Variants in DIPK1B observed in about 807,000 individuals in gnomAD.
DIPK1B encodes divergent protein kinase domain 1B.
A neutral mutation model predicts 20.7 loss-of-function variants in DIPK1B; 17 were observed. The observed-to-expected ratio is 0.82, with a 90% CI of 0.56 to 1.23. The LOEUF is 1.23. Among genes scored for constraint, DIPK1B ranks in the 50% most tolerant of loss-of-function variants. DIPK1B has a pLI of 0.00. For synonymous variants in DIPK1B, 343 were observed against 276.5 expected, an observed-to-expected ratio of 1.24 and a Z score of -2.39; for missense variants, 648 against 601.8, an observed-to-expected ratio of 1.08 and a Z score of -0.80.
At chr9:136,719,928 G>A (rs13290932) in intron 2 of DIPK1B, among the ~76,000 whole-genome samples, 5 of 38,152 alleles carry the variant, frequency 1.3e-4, no homozygotes, top group Admixed American at 2.9e-4. Flanking sequence ...GGGCTGTGTG[G>A]TCTGGGGCTC....
rs1192642089 is a variant in DIPK1B, at chr9:136,724,351, T to C, written c.*577T>C. ...AAAGGTGTTCCAGTAAGAAAACAGA[T>C]ATATGCGGTATTTTAAAAACTGATT... is the stretch of plus-strand genomic sequence containing the variant. On this transcript the variant is annotated 3_prime_UTR_variant, in exon 5 of 5. Coordinates refer to ENST00000371692, the MANE Select transcript of DIPK1B (RefSeq NM_152421.4). Among the ~76,000 whole-genome samples, 2 of 152,182 alleles carry C rather than the reference T, an allele frequency of 1.3e-5. No homozygotes were observed. Among genetic ancestry groups the C allele is most frequent in the Non-Finnish European group, 1.5e-5 (1 of 68,046 alleles).
In DIPK1B at chr9:136,721,953, C is replaced by A. The variant is rs1564310171; in HGVS notation, c.231C>A (p.Gly77=). The A allele has an allele frequency of 6.2e-7, 1 of 1,613,674 alleles. No individual in the cohort carries two copies. Among genetic ancestry groups the A allele is most frequent in the East Asian group, 2.2e-5 (1 of 44,876 alleles). The change falls in exon 3 of 5, where the codon GGC becomes GGA. Residue 77 remains glycine, a synonymous_variant. Transcript: ENST00000371692. ...CDQYRKGIIS[G]SVCQDLCELH... ...AGTACCGCAAGGGGATCATCTCGGG[C>A]TCCGTCTGCCAGGACCTGTGTGAGC...
chr9:136,721,955 CCGTCTG>C lies in DIPK1B; in HGVS notation c.235_240del (p.Val79_Cys80del), dbSNP rs1425424694. On this transcript the variant is annotated inframe_deletion, in exon 3 of 5. Coordinates refer to ENST00000371692, the MANE Select transcript of DIPK1B (RefSeq NM_152421.4). ...TACCGCAAGGGGATCATCTCGGGCT[CCGTCTG>C]CCAGGACCTGTGTGAGCTGCATATG... The C allele has an allele frequency of 1.9e-5, 30 of 1,613,742 alleles. No homozygotes were observed. The highest frequency in any genetic ancestry group is 2.5e-5 in the Non-Finnish European group (30 of 1,179,976).
intron 1 of DIPK1B, among the ~76,000 whole-genome samples, chr9:136,717,058 G>A (rs1044796968): frequency 1.3e-5 from 2 of 151,900 alleles, no homozygotes; most frequent in Non-Finnish European, 2.9e-5. Context: ...GTGAAACCCC[G>A]TCTCTACTAA....
At chr9:136,713,703 C>G (rs1277922515) in intron 1 of DIPK1B, among the ~76,000 whole-genome samples, 2 of 152,236 alleles carry the variant, frequency 1.3e-5, no homozygotes, top group Admixed American at 6.5e-5. Context: ...CCAGCAGCTG[C>G]AGAAGAGATG....
At chr9:136,715,281 A>C (rs962827760) in intron 1 of DIPK1B, among the ~76,000 whole-genome samples, 8 of 152,062 alleles carry the variant, frequency 5.3e-5, no homozygotes, top group Admixed American at 2.6e-4. Context: ...AGAGGCCTGA[A>C]ATTTGCTAGG....
At position 136,712,598 on chromosome 9, in the gene DIPK1B, G is replaced by T. The variant is rs1013331188; in HGVS notation, c.-68G>T. Reference sequence around the variant, plus strand: ...TGGCGAGGGAGCGGCGGCCGCTGCGGGCCGGGCCGGGCCGGGGCTGAGGCC... The same window carrying T: ...TGGCGAGGGAGCGGCGGCCGCTGCGTGCCGGGCCGGGCCGGGGCTGAGGCC... On this transcript the variant is annotated 5_prime_UTR_variant, in exon 1 of 5. Transcript: ENST00000371692. This position sits in a 1 kb window ranked among gnomAD's most constrained non-coding sequence, Gnocchi z 5.6. 116 of 736,260 alleles carry T rather than the reference G, an allele frequency of 1.6e-4. No homozygotes were observed. The African/African-American group carries it at 2.0e-3, about 13-fold the overall frequency. 45.6% of individuals were successfully genotyped at this position (736,260 alleles called of 1,614,324 possible).
chr9:136,721,647 G>C (rs1846603033), intron 2 of DIPK1B: 1 of 456,506 alleles, frequency 2.2e-6, no homozygotes, highest in South Asian at 2.4e-5. Context: ...TCATGTCCAG[G>C]CAGTGGCCTT....
chr9:136,722,501 G>A (rs1403801438), intron 4 of DIPK1B, 200 bp downstream of exon 4: 2 of 665,760 alleles, frequency 3.0e-6, no homozygotes, highest in Admixed American at 3.0e-5. Context: ...AAGGGTTGGG[G>A]GCGCCGGTGG....
chr9:136,721,648 C>G, intron 2 of DIPK1B: 1 of 457,912 alleles, frequency 2.2e-6, no homozygotes, highest in Admixed American at 3.5e-5. Flanking sequence ...CATGTCCAGG[C>G]AGTGGCCTTT....
At position 136,724,731 on chromosome 9, in the gene DIPK1B, G is replaced by A. The variant is rs538622611; in HGVS notation, c.*957G>A. On this transcript the variant is annotated 3_prime_UTR_variant, in exon 5 of 5. Coordinates refer to ENST00000371692, the MANE Select transcript of DIPK1B (RefSeq NM_152421.4). ...TTTTCCATATAGATTTTCCCCTTGG[G>A]GGGGAAAAGAATTCAGGGTCTTAGG... The A allele has an allele frequency of 7.9e-5, 12 of 152,332 alleles. No homozygotes were observed. The East Asian group carries it at 1.9e-3, about 24-fold the overall frequency. 9.4% of individuals were successfully genotyped at this position (152,332 alleles called of 1,614,324 possible).
Position 136,724,696 on chromosome 9 carries a change from A to G in DIPK1B, c.*922A>G, listed in dbSNP as rs1370414349. 6.6e-6 allele frequency: 1 copy of G among 152,278 alleles called. No homozygotes were observed. Among genetic ancestry groups the G allele is most frequent in the East Asian group, 1.9e-4 (1 of 5,208 alleles). The allele number at this position is 152,278 out of a possible 1,614,324, so 9.4% of individuals were successfully genotyped here. A position where few individuals can be genotyped will look rare whatever the true frequency, so the allele number is the denominator to read the frequency against. On this transcript the variant is annotated 3_prime_UTR_variant, in exon 5 of 5. Transcript: ENST00000371692. ...TTTAATTCACTTCATCCTGTATTTTAAAATAAATGTTTTCCATATAGATTT... is the reference window on the plus strand; with the variant it reads ...TTTAATTCACTTCATCCTGTATTTTGAAATAAATGTTTTCCATATAGATTT...
rs75564954 is a variant in DIPK1B at position 136,720,231 on chromosome 9, G to A, written c.199-1690G>A. ...CTTCATTTTCCTTTTCTGTCTTGAC[G>A]AAGAGCCGGCGTTTTCTTGCTGCCG... On this transcript the variant is annotated intron_variant, in intron 2 of 4. Transcript: ENST00000371692. 3.5e-3 allele frequency among the ~76,000 whole-genome samples: 539 copies of A among 151,966 alleles called. 5 individuals are homozygous for A. The highest frequency in any genetic ancestry group is 0.02 in the East Asian group (105 of 5,184).
Position 136,712,751 on chromosome 9 carries a change from G to A in DIPK1B, c.63+23G>A, listed in dbSNP as rs1013281976. 5.3e-6 allele frequency: 7 copies of A among 1,318,802 alleles called. No individual in the cohort carries two copies. Among genetic ancestry groups the A allele is most frequent in the Admixed American group, 3.9e-5 (1 of 25,782 alleles). The allele number at this position is 1,318,802 out of a possible 1,614,324, so 81.7% of individuals were successfully genotyped here. A position where few individuals can be genotyped will look rare whatever the true frequency, so the allele number is the denominator to read the frequency against. On this transcript the variant is annotated intron_variant, in intron 1 of 4. Coordinates refer to ENST00000371692, the MANE Select transcript of DIPK1B (RefSeq NM_152421.4). This position sits in a 1 kb window ranked among gnomAD's most constrained non-coding sequence, Gnocchi z 5.6. ...CAGGTAAGCGCGGTGCGCGCCCGCC[G>A]CCCCCGGCCGCCTCTGCCTGGGGAG...
Position 136,724,353 on chromosome 9 carries a change from T to C in DIPK1B, c.*579T>C, listed in dbSNP as rs372644767. Among the ~76,000 whole-genome samples the C allele has an allele frequency of 1.3e-5, 2 of 152,184 alleles. No homozygotes were observed. Among genetic ancestry groups the C allele is most frequent in the Non-Finnish European group, 2.9e-5 (2 of 68,040 alleles). Reference sequence around the variant, plus strand: ...AGGTGTTCCAGTAAGAAAACAGATATATGCGGTATTTTAAAAACTGATTTT... The same window carrying C: ...AGGTGTTCCAGTAAGAAAACAGATACATGCGGTATTTTAAAAACTGATTTT... On this transcript the variant is annotated 3_prime_UTR_variant, in exon 5 of 5. Coordinates refer to ENST00000371692, the MANE Select transcript of DIPK1B (RefSeq NM_152421.4).
intron 1 of DIPK1B, 73 bp from the exon 2 acceptor site, chr9:136,717,504 G>C: frequency 6.5e-7 from 1 of 1,537,276 alleles, no homozygotes; most frequent in Non-Finnish European, 8.7e-7. Context: ...CCTTCCTGTG[G>C]GAAGTGGGGT....
At chr9:136,716,745 C>T (rs1440753126) in intron 1 of DIPK1B, among the ~76,000 whole-genome samples, 1 of 152,082 alleles carries the variant, frequency 6.6e-6, no homozygotes, top group Non-Finnish European at 1.5e-5. Context: ...GCGTTGGGCT[C>T]CTAGGGCCCC....
Position 136,722,025 on chromosome 9 carries a change from G to A in DIPK1B, c.303G>A (p.Gln101=). Residue 101 remains glutamine, a synonymous_variant, in exon 3 of 5, where the codon CAG becomes CAA. Transcript: ENST00000371692. ...WRTCLSVAPG[Q]QVYSGLWRDK... Reference sequence around the variant, plus strand: ...CCTGCCTCTCGGTGGCCCCGGGCCAGCAGGTATAGCCACTGGCAGGGCGGG... The same window carrying A: ...CCTGCCTCTCGGTGGCCCCGGGCCAACAGGTATAGCCACTGGCAGGGCGGG... The A allele has an allele frequency of 6.2e-7, 1 of 1,613,102 alleles. No individual in the cohort carries two copies. The highest frequency in any genetic ancestry group is 8.5e-7 in the Non-Finnish European group (1 of 1,179,884).
chr9:136,719,419 C>T (rs1242166555), intron 2 of DIPK1B, among the ~76,000 whole-genome samples: 1 of 152,204 alleles, frequency 6.6e-6, no homozygotes, highest in Non-Finnish European at 1.5e-5. Context: ...GTTCCCTGCC[C>T]GGCCTCGTGG....
Sources: allele counts gnomAD v4.1 joint callset (sites outside exome capture counted in the v4.1 genomes callset), GRCh38; gene constraint gnomAD v4.1.1; non-coding constraint Gnocchi (gnomAD v3.1); transcripts MANE v1.5; gene names NCBI Gene and HGNC (gene_info 2026-07-23, HGNC 2026-07-21).